The following MYO3A variants were observed in gnomAD, a reference collection of about 807,000 sequenced individuals.
MYO3A encodes myosin-IIIa.
In MYO3A, 180 loss-of-function variants were observed where a neutral mutation model predicts 192.7. The ratio of observed to expected loss-of-function variants is 0.93; its 90% CI spans 0.83 to 1.06. The LOEUF is 1.06. Ranked by LOEUF, MYO3A falls within the 50% of genes least tolerant of loss-of-function variation. MYO3A has a pLI of 0.00. For synonymous variants in MYO3A, 628 were observed against 645.3 expected (o/e 0.97, Z 0.41); for missense variants, 1,896 against 1,905.0 (o/e 1.00, Z 0.09).
intron 27 of MYO3A, 60 bp from the exon 28 acceptor site, chr10:26,168,652 G>C: frequency 6.5e-7 from 1 of 1,528,870 alleles, no homozygotes. Context: ...TCAAAGCACA[G>C]CACATAACTG....
At position 25,954,961 on chromosome 10, in the gene MYO3A, T is replaced by C; in HGVS notation, c.256T>C (p.Phe86Leu). Residue 86 changes from phenylalanine to leucine, a missense_variant, in exon 4 of 35, where the codon TTT (phenylalanine) becomes CTT (leucine). Physicochemically the swap from Phe to Leu is conservative, Grantham distance 22. Transcript: ENST00000642920. ...PNVVRFYGIY[F>L]KKDKVNGDKL... ...TGTGGTCAGATTCTATGGGATATAC[T>C]TTAAGAAGGATAAAGTAAATGGAGA... 6.2e-7 allele frequency: 1 copy of C among 1,613,114 alleles called. No homozygotes were observed. Among genetic ancestry groups the C allele is most frequent in the East Asian group, 2.2e-5 (1 of 44,788 alleles).
chr10:26,049,702 G>A (rs1475352305), intron 10 of MYO3A, among the ~76,000 whole-genome samples: 3 of 115,276 alleles, frequency 2.6e-5, no homozygotes, highest in African/African-American at 3.4e-5. Context: ...TTTTTGAGAC[G>A]GAGTCTTGCT....
intron 34 of MYO3A, among the ~76,000 whole-genome samples, chr10:26,209,319 A>T (rs1165231207): frequency 6.6e-6 from 1 of 152,186 alleles, no homozygotes; most frequent in African/African-American, 2.4e-5. Flanking sequence ...TGTTCTCTTT[A>T]CGAAATCATT....
chr10:26,155,386 A>AT (rs1564603924), intron 25 of MYO3A, among the ~76,000 whole-genome samples: 1 of 152,206 alleles, frequency 6.6e-6, no homozygotes, highest in East Asian at 1.9e-4. Flanking sequence ...AAAGAAAAAA[A>AT]CCAAGTACTT....
chr10:26,061,842 A>G (rs1202275044), intron 10 of MYO3A, among the ~76,000 whole-genome samples: 1 of 126,856 alleles, frequency 7.9e-6, no homozygotes, highest in Non-Finnish European at 1.8e-5. Context: ...GTAGCAGCCA[A>G]ATGGGTCCAT....
chr10:26,202,378 A>C (rs1031285612), intron 33 of MYO3A, among the ~76,000 whole-genome samples: 5 of 152,236 alleles, frequency 3.3e-5, no homozygotes, highest in Non-Finnish European at 5.9e-5. Context: ...CATAGGAACC[A>C]GACTGTGCCC....
rs576007724 is a variant in MYO3A at position 26,205,608 on chromosome 10, C to CTTTTTTTTTTT, written c.4730+2517_4730+2527dup. On this transcript the variant is annotated intron_variant, in intron 34 of 34. Transcript: ENST00000642920. ...AAAATGGCAGGATTTCTTTTCTTTT[C>CTTTTTTTTTTT]TTTTTTTTTTTTTTTTTTTTTTTTT... 8.7e-4 allele frequency among the ~76,000 whole-genome samples: 60 copies of CTTTTTTTTTTT among 68,616 alleles called. 1 individual carries two copies. The highest frequency in any genetic ancestry group is 1.2e-3 in the African/African-American group (18 of 15,568). The allele number at this position is 68,616 out of a possible 152,430, so 45.0% of individuals were successfully genotyped here. A position where few individuals can be genotyped will look rare whatever the true frequency, so the allele number is the denominator to read the frequency against.
chr10:26,146,100 T>G (rs887097526), intron 22 of MYO3A, among the ~76,000 whole-genome samples: 1 of 152,146 alleles, frequency 6.6e-6, no homozygotes, highest in Non-Finnish European at 1.5e-5. Context: ...GAATGGATTA[T>G]GATGCAGTTA....
chr10:25,940,753 A>G (rs1446228901), intron 2 of MYO3A, among the ~76,000 whole-genome samples: 1 of 152,102 alleles, frequency 6.6e-6, no homozygotes, highest in Non-Finnish European at 1.5e-5. Flanking sequence ...TGAATATATT[A>G]TGCTACTGTC....
chr10:26,019,025 C>T (rs1050302357), intron 7 of MYO3A, among the ~76,000 whole-genome samples: 1 of 152,056 alleles, frequency 6.6e-6, no homozygotes, highest in African/African-American at 2.4e-5. Flanking sequence ...TTAACACATA[C>T]AATATTCTGA....
chr10:26,042,075 A>AT (rs1422914197), intron 10 of MYO3A, among the ~76,000 whole-genome samples: 1 of 152,058 alleles, frequency 6.6e-6, no homozygotes, highest in Non-Finnish European at 1.5e-5. Context: ...TTTAAAGGGT[A>AT]TTTTTGCCAG....
intron 10 of MYO3A, among the ~76,000 whole-genome samples, chr10:26,061,731 A>G (rs4747545): frequency 0.63 from 95,051 of 151,880 alleles, 30,621 homozygotes; most frequent in Middle Eastern, 0.74. Flanking sequence ...ACATCATAGA[A>G]GATGAATTCA....
chr10:25,992,713 A>C (rs912118519), intron 4 of MYO3A, among the ~76,000 whole-genome samples: 13 of 152,210 alleles, frequency 8.5e-5, no homozygotes, highest in South Asian at 2.1e-4. Context: ...AGTTTTTAGC[A>C]TGAAGGGCTG....
chr10:26,154,027 G>A (rs2131910066), intron 24 of MYO3A, 98 bp downstream of exon 24: 1 of 892,846 alleles, frequency 1.1e-6, no homozygotes, highest in Admixed American at 2.0e-5. Flanking sequence ...TTTTTTCTTA[G>A]TTTTTCTCCC....
At chr10:26,159,032 G>C (rs1289072845) in intron 26 of MYO3A, among the ~76,000 whole-genome samples, 1 of 150,448 alleles carries the variant, frequency 6.6e-6, no homozygotes, top group Non-Finnish European at 1.5e-5. Context: ...TTTTGAGACG[G>C]AGTCTTGCAC....
intron 18 of MYO3A, among the ~76,000 whole-genome samples, chr10:26,121,983 G>A (rs956292497): frequency 6.6e-6 from 1 of 152,096 alleles, no homozygotes; most frequent in African/African-American, 2.4e-5. Flanking sequence ...TGTAGTGACC[G>A]GCATGTGCCT....
chr10:26,141,705 A>G (rs1277064062), intron 20 of MYO3A, among the ~76,000 whole-genome samples: 2 of 152,198 alleles, frequency 1.3e-5, no homozygotes, highest in Non-Finnish European at 2.9e-5. Flanking sequence ...CACTTCTCCC[A>G]AGGTTACCTT....
chr10:25,951,025 AAAAT>A (rs956715164), intron 2 of MYO3A, among the ~76,000 whole-genome samples: 2 of 152,202 alleles, frequency 1.3e-5, no homozygotes, highest in Non-Finnish European at 2.9e-5. Context: ...AAGAAAACAT[AAAAT>A]GTCCTTTATA....
At chr10:26,143,747 T>G in intron 21 of MYO3A, 146 bp downstream of exon 21, 1 of 948,320 alleles carries the variant, frequency 1.1e-6, no homozygotes, top group Non-Finnish European at 1.6e-6. Flanking sequence ...GCCTTTGGAT[T>G]TAATACCTGG....
Sources: gnomAD v4.1 joint callset for allele counts (sites outside exome capture counted in the v4.1 genomes callset) on GRCh38, gnomAD v4.1.1 for gene constraint, MANE v1.5 for transcripts, NCBI Gene and HGNC (gene_info 2026-07-23, HGNC 2026-07-21) for gene names.